The following N4BP3 variants were observed in gnomAD, a reference collection of about 807,000 sequenced individuals.
N4BP3 encodes NEDD4 binding protein 3, also known as NEDD4-binding protein 3.
In N4BP3, 33 loss-of-function variants were observed where a neutral mutation model predicts 43.8. The observed-to-expected ratio is 0.75, with a 90% CI of 0.57 to 1.01. The LOEUF is 1.01. Among genes scored for constraint, N4BP3 ranks in the 50% least tolerant of loss-of-function variants. The probability of loss-of-function intolerance (pLI) is 0.00; values close to 1 mark genes in which losing one functional copy is unlikely to be tolerated. For missense variants in N4BP3, 756 were observed against 744.2 expected, an observed-to-expected ratio of 1.02 and a Z score of -0.18; for synonymous variants, 326 against 321.9, an observed-to-expected ratio of 1.01 and a Z score of -0.14.
intron 3 of N4BP3, 63 bp downstream of exon 3, chr5:178,120,762 G>C (rs1455050268): frequency 5.4e-6 from 8 of 1,478,752 alleles, no homozygotes; most frequent in Non-Finnish European, 6.2e-6. Flanking sequence ...AGGCCAGAGA[G>C]AGGGGCCCCA....
rs1162744637 is a variant in N4BP3, at chr5:178,122,545, A to C, written c.*544A>C. On this transcript the variant is annotated 3_prime_UTR_variant, in exon 5 of 5. Transcript: ENST00000274605. ...GCGCCTGTCTGCATGGCCACTGGGC[A>C]TGTGTGTTGGGAGCAGAGGAGTCCT... 6.4e-6 allele frequency: 1 copy of C among 156,176 alleles called. No individual in the cohort carries two copies. Among genetic ancestry groups the C allele is most frequent in the Non-Finnish European group, 1.4e-5 (1 of 70,440 alleles). The allele number at this position is 156,176 out of a possible 1,614,324, so 9.7% of individuals were successfully genotyped here.
chr5:178,114,207 C>T (rs1284550000), intron 1 of N4BP3, among the ~76,000 whole-genome samples: 1 of 152,202 alleles, frequency 6.6e-6, no homozygotes, highest in Non-Finnish European at 1.5e-5. Context: ...TCCCACCCCG[C>T]CCCCCAGGTA....
rs530567722 is a variant in N4BP3 at position 178,121,099 on chromosome 5, T to C, written c.854T>C (p.Val285Ala). The change falls in exon 4 of 5, where the codon GTG becomes GCG. Residue 285 changes from valine to alanine, a missense_variant and splice_region_variant. Coordinates refer to ENST00000274605, the MANE Select transcript of N4BP3 (RefSeq NM_015111.2). ...GGATGCATCTCTTCCCCTTGACAGG[T>C]GCTGGAGGAGCGCCAGCGGCTGTGG... ...DEDGSNPFTQ[V>A]LEERQRLWLA... The C allele has an allele frequency of 6.9e-6, 11 of 1,597,364 alleles. No homozygotes were observed. In the African/African-American group the frequency reaches 1.3e-4, roughly 19 times the overall value.
In N4BP3 at chr5:178,121,744, G is replaced by A. The variant is rs769104324; in HGVS notation, c.1378G>A (p.Glu460Lys). Reference protein sequence around the residue: ...RGLLGEAGGSEARDSAEQLRA... With the variant: ...RGLLGEAGGSKARDSAEQLRA... ...CCTGCTAGGGGAGGCAGGAGGCAGC[G>A]AGGCCAGAGACAGTGCTGAGCAGCT... Residue 460 changes from glutamate to lysine, a missense_variant, in exon 5 of 5, where the codon GAG becomes AAG. Glu to Lys is a moderately conservative substitution (Grantham distance 56, BLOSUM62 1). Transcript: ENST00000274605. 20 of 1,607,980 alleles carry A rather than the reference G, an allele frequency of 1.2e-5. No homozygotes were observed. The highest frequency in any genetic ancestry group is 1.5e-5 in the Non-Finnish European group (18 of 1,179,838).
chr5:178,122,152 T>A lies in N4BP3; in HGVS notation c.*151T>A. The A allele has an allele frequency of 9.8e-7, 1 of 1,024,252 alleles. No individual in the cohort carries two copies. Among genetic ancestry groups the A allele is most frequent in the Non-Finnish European group, 1.4e-6 (1 of 728,866 alleles). 63.4% of individuals were successfully genotyped at this position (1,024,252 alleles called of 1,614,324 possible). A position where few individuals can be genotyped will look rare whatever the true frequency, so the allele number is the denominator to read the frequency against. ...GGAGAGGAGGGATCCAGTGGGGCCG[T>A]GGGCTGGGTAGGGTGCCTTGGCAGG... On this transcript the variant is annotated 3_prime_UTR_variant, in exon 5 of 5. Transcript: ENST00000274605.
intron 1 of N4BP3, among the ~76,000 whole-genome samples, chr5:178,117,217 G>A (rs1561614937): frequency 6.6e-6 from 1 of 152,192 alleles, no homozygotes. Flanking sequence ...GCAGGTCTCT[G>A]CTGTCCCCTC....
rs1581094598 is a variant in N4BP3, at chr5:178,122,065, C to T, written c.*64C>T. 6.7e-7 allele frequency: 1 copy of T among 1,490,012 alleles called. No individual in the cohort carries two copies. Among genetic ancestry groups the T allele is most frequent in the East Asian group, 2.4e-5 (1 of 42,518 alleles). 92.3% of individuals were successfully genotyped at this position (1,490,012 alleles called of 1,614,324 possible). Reference sequence around the variant, plus strand: ...AGGTGCCCTGAGACGGCCGGCTCAGCCTTCCCTTGCACTGGTTGGGGTGGA... The same window carrying T: ...AGGTGCCCTGAGACGGCCGGCTCAGTCTTCCCTTGCACTGGTTGGGGTGGA... On this transcript the variant is annotated 3_prime_UTR_variant, in exon 5 of 5. Coordinates refer to ENST00000274605, the MANE Select transcript of N4BP3 (RefSeq NM_015111.2).
At position 178,120,619 on chromosome 5, in the gene N4BP3, A is replaced by T. The variant is rs551476661; in HGVS notation, c.772A>T (p.Met258Leu). 14 of 1,610,528 alleles carry T rather than the reference A, an allele frequency of 8.7e-6. No homozygotes were observed. The Admixed American group carries it at 2.3e-4, about 27-fold the overall frequency. Residue 258 changes from methionine (M) to leucine (L), a missense_variant, in exon 3 of 5, where the codon ATG becomes TTG. By Grantham distance (15) the Met-to-Leu change is conservative. Transcript: ENST00000274605. ...GTTCTCCTGCTCCTCTGCCGAGGAAATGGGAGCCGTGCTGCCCGAGACCTG... is the reference window on the plus strand; with the variant it reads ...GTTCTCCTGCTCCTCTGCCGAGGAATTGGGAGCCGTGCTGCCCGAGACCTG... Reference protein sequence around the residue: ...YEFSCSSAEEMGAVLPETCEE... With the variant: ...YEFSCSSAEELGAVLPETCEE...
chr5:178,114,145 C>T (rs1051822197), intron 1 of N4BP3, among the ~76,000 whole-genome samples: 37 of 152,320 alleles, frequency 2.4e-4, no homozygotes, highest in African/African-American at 8.7e-4. Flanking sequence ...CTCCGCCCCC[C>T]GGCCCAGCCG....
In N4BP3 at chr5:178,120,678, C is replaced by G. The variant is rs148573796; in HGVS notation, c.831C>G (p.Asp277Glu). ...TCAAGAGGGGCCTTGGCGATGAGGACGGCTCCAACCCCTTCACGCAGGTGA... is the reference window on the plus strand; with the variant it reads ...TCAAGAGGGGCCTTGGCGATGAGGAGGGCTCCAACCCCTTCACGCAGGTGA... ...EELKRGLGDE[D>E]GSNPFTQVLE... The change falls in exon 3 of 5, where the codon GAC becomes GAG. Residue 277 changes from aspartate to glutamate, a missense_variant. Transcript: ENST00000274605. 6.3e-7 allele frequency: 1 copy of G among 1,596,320 alleles called. No individual in the cohort carries two copies. The highest frequency in any genetic ancestry group is 1.7e-5 in the Admixed American group (1 of 59,762).
downstream of N4BP3, among the ~76,000 whole-genome samples, chr5:178,126,733 C>T (rs1200483752): frequency 6.6e-6 from 1 of 152,168 alleles, no homozygotes; most frequent in Admixed American, 6.5e-5. Context: ...CTTTCCCTAG[C>T]ATCTCATAAA....
chr5:178,119,967 G>C, intron 2 of N4BP3, 54 bp downstream of exon 2: 1 of 1,531,932 alleles, frequency 6.5e-7, no homozygotes, highest in Non-Finnish European at 8.8e-7. Context: ...GGTCTCCTTG[G>C]AGACCCTGAT....
intron 1 of N4BP3, among the ~76,000 whole-genome samples, chr5:178,117,816 T>A (rs1331164174): frequency 6.6e-6 from 1 of 150,960 alleles, no homozygotes; most frequent in African/African-American, 2.4e-5. Context: ...CCATCCTGGG[T>A]TTGGGGGTTG....
chr5:178,120,366 C>G lies in N4BP3; in HGVS notation c.519C>G (p.His173Gln). The stretch of plus-strand genomic sequence containing the variant: ...GCCAGGCCCGGGCACAGCTGCTGCA[C>G]GCCCTCAGCCTAGATGAGGGCGGCC... Reference protein sequence around the residue: ...RASQARAQLLHALSLDEGGPE... With the variant: ...RASQARAQLLQALSLDEGGPE... The change falls in exon 3 of 5, where the codon CAC becomes CAG. Residue 173 changes from histidine to glutamine, a missense_variant. His to Gln is a conservative substitution (Grantham distance 24, BLOSUM62 0). Transcript: ENST00000274605. 6.2e-7 allele frequency: 1 copy of G among 1,609,072 alleles called. No individual in the cohort carries two copies. The highest frequency in any genetic ancestry group is 8.5e-7 in the Non-Finnish European group (1 of 1,177,112).
intron 1 of N4BP3, among the ~76,000 whole-genome samples, chr5:178,117,182 GGA>G (rs1757792323): frequency 1.3e-5 from 2 of 152,154 alleles, no homozygotes; most frequent in African/African-American, 2.4e-5. Flanking sequence ...GGGGTCCCCT[GGA>G]GAGAGTGAGG....
rs535517572 is a variant in N4BP3, at chr5:178,120,212, C to T, written c.365C>T (p.Ala122Val). 28 of 1,589,932 alleles carry T rather than the reference C, an allele frequency of 1.8e-5. No homozygotes were observed. The highest frequency in any genetic ancestry group is 2.2e-5 in the South Asian group (2 of 89,170). The change falls in exon 3 of 5, where the codon GCG becomes GTG. Residue 122 changes from alanine (A) to valine (V), a missense_variant. Physicochemically the swap from Ala to Val is moderately conservative, Grantham distance 64. Coordinates refer to ENST00000274605, the MANE Select transcript of N4BP3 (RefSeq NM_015111.2). ...RIRPSVFKPT[A>V]GNGKGFLSMQ... Reference sequence around the variant, plus strand: ...CGCCCCTCAGTGTTCAAGCCTACGGCGGGCAACGGGAAAGGCTTCCTATCC... The same window carrying T: ...CGCCCCTCAGTGTTCAAGCCTACGGTGGGCAACGGGAAAGGCTTCCTATCC...
chr5:178,121,030 A>G, intron 3 of N4BP3, 68 bp from the exon 4 acceptor site: 1 of 1,534,030 alleles, frequency 6.5e-7, no homozygotes, highest in South Asian at 1.2e-5. Context: ...TGGCTGGAGT[A>G]TCAGGTGGAG....
intron 1 of N4BP3, among the ~76,000 whole-genome samples, chr5:178,115,595 G>A (rs1038628869): frequency 6.6e-6 from 1 of 152,344 alleles, no homozygotes; most frequent in East Asian, 1.9e-4. Flanking sequence ...TCTCCCCTGC[G>A]GCTGAACGTG....
intron 1 of N4BP3, among the ~76,000 whole-genome samples, chr5:178,115,347 C>G (rs114798194): frequency 0.011 from 1,622 of 152,270 alleles, 31 homozygotes; most frequent in African/African-American, 0.037. Flanking sequence ...TACTACCCCC[C>G]CCTTTTGGAG....
Sources: allele counts gnomAD v4.1 joint callset (sites outside exome capture counted in the v4.1 genomes callset), GRCh38; gene constraint gnomAD v4.1.1; transcripts MANE v1.5; gene names NCBI Gene and HGNC (gene_info 2026-07-23, HGNC 2026-07-21).